INSM1: variants seen among roughly 807,000 people sequenced by gnomAD.
INSM1 encodes insulinoma-associated protein 1.
In INSM1, 11 loss-of-function variants were observed where a neutral mutation model predicts 21.1. That is an observed-to-expected ratio of 0.52 (90% CI 0.33 to 0.86). The LOEUF (loss-of-function observed/expected upper bound fraction) is 0.86, where lower values mean the gene tolerates loss of function less well. Among genes scored for constraint, INSM1 ranks in the 40% least tolerant of loss-of-function variants. The pLI is 0.03. For synonymous variants in INSM1, 473 were observed against 386.1 expected (o/e 1.23, Z -2.64); for missense variants, 843 against 760.1 (o/e 1.11, Z -1.28).
Position 20,369,507 on chromosome 20 carries a change from C to T in INSM1, c.1240C>T (p.Pro414Ser). The T allele has an allele frequency of 6.5e-7, 1 of 1,545,730 alleles. No individual in the cohort carries two copies. Among genetic ancestry groups the T allele is most frequent in the East Asian group, 2.4e-5 (1 of 42,130 alleles). The change falls in exon 1 of 1, where the codon CCC becomes TCC. Residue 414 changes from proline (P) to serine (S), a missense_variant. Transcript: ENST00000310227. This position sits in a 1 kb window ranked among gnomAD's most constrained non-coding sequence, Gnocchi z 5.6. ...AEDLLALYPG[P>S]DEKAPQEAAG... ...GGACCTACTGGCCTTGTACCCCGGG[C>T]CCGACGAGAAGGCGCCCCAGGAGGC...
rs1053675785 is a variant in INSM1 at position 20,369,585 on chromosome 20, T to C, written c.1318T>C (p.Cys440Arg). 11 of 1,599,226 alleles carry C rather than the reference T, an allele frequency of 6.9e-6. No individual in the cohort carries two copies. The highest frequency in any genetic ancestry group is 9.3e-6 in the Non-Finnish European group (11 of 1,179,168). ...GVLGLSASAE[C>R]HLCPVCGESF... ...GCTGGGCCTGAGTGCGTCCGCCGAG[T>C]GCCACCTGTGCCCAGTGTGCGGAGA... The change falls in exon 1 of 1, where the codon TGC becomes CGC. Residue 440 changes from cysteine (C) to arginine (R), a missense_variant. Coordinates refer to ENST00000310227, the MANE Select transcript of INSM1 (RefSeq NM_002196.3). The surrounding 1 kb of genome is among the most constrained non-coding windows in gnomAD (Gnocchi z 5.6).
chr20:20,368,598 G>T lies in INSM1; in HGVS notation c.331G>T (p.Glu111Ter), dbSNP rs867761082. The change falls in exon 1 of 1, where the codon GAG (glutamate) becomes TAG (stop). Residue 111 changes from glutamate (E) to a stop codon, truncating the protein, a stop_gained. Coordinates refer to ENST00000310227, the MANE Select transcript of INSM1 (RefSeq NM_002196.3). LOFTEE classifies it high-confidence loss of function. The surrounding 1 kb of genome is among the most constrained non-coding windows in gnomAD (Gnocchi z 4.3). ...CACGCGGCCCGTGAGCCGCGAGCAC[G>T]AGAAGCACAAGTACTTCGAACGCAG... Reference protein sequence around the residue: ...SPTRPVSREHEKHKYFERSFN... With the variant: ...SPTRPVSREH 1.4e-6 allele frequency: 2 copies of T among 1,468,944 alleles called. No homozygotes were observed. Among genetic ancestry groups the T allele is most frequent in the East Asian group, 6.0e-5 (2 of 33,168 alleles). The allele number at this position is 1,468,944 out of a possible 1,614,324, so 91.0% of individuals were successfully genotyped here.
In INSM1 at chr20:20,369,483, G is replaced by T. The variant is rs1275094059; in HGVS notation, c.1216G>T (p.Asp406Tyr). Reference protein sequence around the residue: ...KGAPLAPPAEDLLALYPGPDE... With the variant: ...KGAPLAPPAEYLLALYPGPDE... ...CGCGCCGCTAGCGCCCCCGGCCGAG[G>T]ACCTACTGGCCTTGTACCCCGGGCC... Residue 406 changes from aspartate to tyrosine, a missense_variant, in exon 1 of 1, where the codon GAC (aspartate) becomes TAC (tyrosine). By Grantham distance (160) the Asp-to-Tyr change is radical (BLOSUM62 -3). Transcript: ENST00000310227. This position sits in a 1 kb window ranked among gnomAD's most constrained non-coding sequence, Gnocchi z 5.6. 6.5e-7 allele frequency: 1 copy of T among 1,537,452 alleles called. No individual in the cohort carries two copies. Among genetic ancestry groups the T allele is most frequent in the Non-Finnish European group, 8.7e-7 (1 of 1,151,446 alleles).
rs765395519 is a variant in INSM1 at position 20,369,721 on chromosome 20, C to T, written c.1454C>T (p.Thr485Met). ...ACCTTCTACAGCTCGCCCGGCCTTACGCGGCACATCAACAAGTGCCACCCA... is the reference window on the plus strand; with the variant it reads ...ACCTTCTACAGCTCGCCCGGCCTTATGCGGCACATCAACAAGTGCCACCCA... ...PATFYSSPGL[T>M]RHINKCHPSE... Residue 485 changes from threonine to methionine, a missense_variant, in exon 1 of 1, where the codon ACG (threonine) becomes ATG (methionine). By Grantham distance (81) the Thr-to-Met change is moderately conservative. Coordinates refer to ENST00000310227, the MANE Select transcript of INSM1 (RefSeq NM_002196.3). The surrounding 1 kb of genome is among the most constrained non-coding windows in gnomAD (Gnocchi z 5.6). 2.7e-5 allele frequency: 44 copies of T among 1,601,658 alleles called. No homozygotes were observed. Among genetic ancestry groups the T allele is most frequent in the Non-Finnish European group, 3.7e-5 (44 of 1,179,738 alleles).
chr20:20,368,465 C>A lies in INSM1; in HGVS notation c.198C>A (p.Leu66=). 1 of 1,051,058 alleles carries A rather than the reference C, an allele frequency of 9.5e-7. No homozygotes were observed. Among genetic ancestry groups the A allele is most frequent in the South Asian group, 4.3e-5 (1 of 23,346 alleles). 65.1% of individuals were successfully genotyped at this position (1,051,058 alleles called of 1,614,324 possible). A position where few individuals can be genotyped will look rare whatever the true frequency, so the allele number is the denominator to read the frequency against. The part of the protein sequence containing the change: ...PPPAERAHAA[L]AAALACAPGP... The stretch of plus-strand genomic sequence containing the variant: ...CCGCGGAGCGCGCCCATGCAGCGCT[C>A]GCCGCCGCGCTTGCCTGCGCGCCTG... Residue 66 remains leucine, a synonymous_variant, in exon 1 of 1, where the codon CTC becomes CTA. Coordinates refer to ENST00000310227, the MANE Select transcript of INSM1 (RefSeq NM_002196.3). This position sits in a 1 kb window ranked among gnomAD's most constrained non-coding sequence, Gnocchi z 4.3.
At position 20,369,532 on chromosome 20, in the gene INSM1, CGGCCGGCGACGGCGAGGG is replaced by C. The variant is rs762979020; in HGVS notation, c.1274_1291del (p.Asp425_Gly430del). Reference sequence around the variant, plus strand: ...CCCGACGAGAAGGCGCCCCAGGAGGCGGCCGGCGACGGCGAGGGGGCCGGCGTGCTGGGCCTGAGTGCG... The same window carrying C: ...CCCGACGAGAAGGCGCCCCAGGAGGCGGCCGGCGTGCTGGGCCTGAGTGCG... On this transcript the variant is annotated inframe_deletion, in exon 1 of 1. Transcript: ENST00000310227. This position sits in a 1 kb window ranked among gnomAD's most constrained non-coding sequence, Gnocchi z 5.6. 7.1e-6 allele frequency: 11 copies of C among 1,558,482 alleles called. No individual in the cohort carries two copies. Among genetic ancestry groups the C allele is most frequent in the Admixed American group, 3.7e-5 (2 of 53,452 alleles).
Position 20,369,857 on chromosome 20 carries a change from G to A in INSM1, c.*57G>A. The A allele has an allele frequency of 2.0e-6, 3 of 1,488,840 alleles. No homozygotes were observed. Among genetic ancestry groups the A allele is most frequent in the South Asian group, 1.3e-5 (1 of 76,426 alleles). The allele number at this position is 1,488,840 out of a possible 1,614,324, so 92.2% of individuals were successfully genotyped here. On this transcript the variant is annotated 3_prime_UTR_variant, in exon 1 of 1. Coordinates refer to ENST00000310227, the MANE Select transcript of INSM1 (RefSeq NM_002196.3). The surrounding 1 kb of genome is among the most constrained non-coding windows in gnomAD (Gnocchi z 5.6). ...GCCTTCGCTTGGAGACCCACAAAGAGAGTGCGCCCTGCACTCCCCGAACCC... is the reference window on the plus strand; with the variant it reads ...GCCTTCGCTTGGAGACCCACAAAGAAAGTGCGCCCTGCACTCCCCGAACCC...
Position 20,369,082 on chromosome 20 carries a change from G to A in INSM1, c.815G>A (p.Cys272Tyr). 6.3e-7 allele frequency: 1 copy of A among 1,587,060 alleles called. No homozygotes were observed. Among genetic ancestry groups the A allele is most frequent in the Non-Finnish European group, 8.5e-7 (1 of 1,170,940 alleles). The change falls in exon 1 of 1, where the codon TGC (cysteine) becomes TAC (tyrosine). Residue 272 changes from cysteine to tyrosine, a missense_variant. Transcript: ENST00000310227. The surrounding 1 kb of genome is among the most constrained non-coding windows in gnomAD (Gnocchi z 5.6). The stretch of plus-strand genomic sequence containing the variant: ...CTGGGCGAGTTCATCTGCCAGCTGT[G>A]CAAGGAGGAGTACGCCGACCCGTTC... ...RPLGEFICQLCKEEYADPFAL... is the reference protein window; with the variant it reads ...RPLGEFICQLYKEEYADPFAL...
At position 20,369,253 on chromosome 20, in the gene INSM1, C is replaced by G. The variant is rs1030489175; in HGVS notation, c.986C>G (p.Pro329Arg). Reference protein sequence around the residue: ...PRPAPAAARAPEPEAAARAEA... With the variant: ...PRPAPAAARAREPEAAARAEA... ...CCCGCGCCCGCCGCCGCCCGCGCGC[C>G]GGAGCCAGAAGCAGCAGCCAGGGCT... Residue 329 changes from proline (P) to arginine (R), a missense_variant, in exon 1 of 1, where the codon CCG (proline) becomes CGG (arginine). By Grantham distance (103) the Pro-to-Arg change is moderately radical. Transcript: ENST00000310227. This position sits in a 1 kb window ranked among gnomAD's most constrained non-coding sequence, Gnocchi z 5.6. 1.2e-5 allele frequency: 18 copies of G among 1,440,508 alleles called. No individual in the cohort carries two copies. In the African/African-American group the frequency reaches 1.5e-4, roughly 12 times the overall value. The allele number at this position is 1,440,508 out of a possible 1,614,324, so 89.2% of individuals were successfully genotyped here.
Position 20,369,910 on chromosome 20 carries a change from C to T in INSM1, c.*110C>T, listed in dbSNP as rs2059493598. 1 of 902,746 alleles carries T rather than the reference C, an allele frequency of 1.1e-6. No homozygotes were observed. Among genetic ancestry groups the T allele is most frequent in the Non-Finnish European group, 1.6e-6 (1 of 610,140 alleles). The allele number at this position is 902,746 out of a possible 1,614,324, so 55.9% of individuals were successfully genotyped here. A position where few individuals can be genotyped will look rare whatever the true frequency, so the allele number is the denominator to read the frequency against. ...GTCCGCGCTGGGGGAGCCTCGCCCC[C>T]GCCCCCACCGGGTGAAAGTGTCGTC... On this transcript the variant is annotated 3_prime_UTR_variant, in exon 1 of 1. Transcript: ENST00000310227. The surrounding 1 kb of genome is among the most constrained non-coding windows in gnomAD (Gnocchi z 5.6).
Position 20,369,937 on chromosome 20 carries a change from C to T in INSM1, c.*137C>T. ...CCCCCACCGGGTGAAAGTGTCGTCT[C>T]CGCTTCTCTCGGTGTGGCGTGACGG... On this transcript the variant is annotated 3_prime_UTR_variant, in exon 1 of 1. Transcript: ENST00000310227. This position sits in a 1 kb window ranked among gnomAD's most constrained non-coding sequence, Gnocchi z 5.6. 2.8e-6 allele frequency: 2 copies of T among 724,718 alleles called. No individual in the cohort carries two copies. The highest frequency in any genetic ancestry group is 2.9e-5 in the East Asian group (1 of 34,944). 44.9% of individuals were successfully genotyped at this position (724,718 alleles called of 1,614,324 possible).
rs969376739 is a variant in INSM1 at position 20,370,598 on chromosome 20, T to C, written c.*798T>C. On this transcript the variant is annotated 3_prime_UTR_variant, in exon 1 of 1. Coordinates refer to ENST00000310227, the MANE Select transcript of INSM1 (RefSeq NM_002196.3). ...TTTATTCTTTATTTATTTATATTAA[T>C]TATGAAGATTATGATATTATTTGAT... is the stretch of plus-strand genomic sequence containing the variant. 5 of 167,082 alleles carry C rather than the reference T, an allele frequency of 3.0e-5. No homozygotes were observed. Among genetic ancestry groups the C allele is most frequent in the Admixed American group, 6.5e-5 (1 of 15,284 alleles). The allele number at this position is 167,082 out of a possible 1,614,324, so 10.3% of individuals were successfully genotyped here.
Position 20,368,745 on chromosome 20 carries a change from C to G in INSM1, c.478C>G (p.Leu160Val). ...AGGCGGCACCTGCGGCGGCGACCCG[C>G]TGCTCTTCGCGCCCGCCGAGCTCAA... Reference protein sequence around the residue: ...GGGGTCGGDPLLFAPAELKMG... With the variant: ...GGGGTCGGDPVLFAPAELKMG... The change falls in exon 1 of 1, where the codon CTG becomes GTG. Residue 160 changes from leucine to valine, a missense_variant. Physicochemically the swap from Leu to Val is conservative, Grantham distance 32 (BLOSUM62 1). Transcript: ENST00000310227. This position sits in a 1 kb window ranked among gnomAD's most constrained non-coding sequence, Gnocchi z 4.3. The G allele has an allele frequency of 8.6e-7, 1 of 1,167,122 alleles. No individual in the cohort carries two copies. The highest frequency in any genetic ancestry group is 4.0e-5 in the South Asian group (1 of 25,224). 72.3% of individuals were successfully genotyped at this position (1,167,122 alleles called of 1,614,324 possible).
chr20:20,368,812 G>A lies in INSM1; in HGVS notation c.545G>A (p.Gly182Asp). Residue 182 changes from glycine (G) to aspartate (D), a missense_variant, in exon 1 of 1, where the codon GGC becomes GAC. Gly to Asp is a moderately conservative substitution (Grantham distance 94, BLOSUM62 -1). Coordinates refer to ENST00000310227, the MANE Select transcript of INSM1 (RefSeq NM_002196.3). This position sits in a 1 kb window ranked among gnomAD's most constrained non-coding sequence, Gnocchi z 4.3. ...AFSAGAEAARGPGPGPPLPPA... is the reference protein window; with the variant it reads ...AFSAGAEAARDPGPGPPLPPA... ...TCGGCTGGCGCCGAGGCGGCCCGCG[G>A]CCCGGGCCCCGGCCCCCCACTGCCC... The A allele has an allele frequency of 9.1e-7, 1 of 1,101,204 alleles. No homozygotes were observed. The highest frequency in any genetic ancestry group is 1.1e-6 in the Non-Finnish European group (1 of 884,354). 68.2% of individuals were successfully genotyped at this position (1,101,204 alleles called of 1,614,324 possible).
rs1401318091 is a variant in INSM1 at position 20,368,763 on chromosome 20, G to A, written c.496G>A (p.Glu166Lys). Reference protein sequence around the residue: ...GGDPLLFAPAELKMGTAFSAG... With the variant: ...GGDPLLFAPAKLKMGTAFSAG... ...CGACCCGCTGCTCTTCGCGCCCGCC[G>A]AGCTCAAGATGGGCACGGCGTTCTC... The change falls in exon 1 of 1, where the codon GAG becomes AAG. Residue 166 changes from glutamate (E) to lysine (K), a missense_variant. Glu to Lys is a moderately conservative substitution (Grantham distance 56, BLOSUM62 1). Coordinates refer to ENST00000310227, the MANE Select transcript of INSM1 (RefSeq NM_002196.3). This position sits in a 1 kb window ranked among gnomAD's most constrained non-coding sequence, Gnocchi z 4.3. The A allele has an allele frequency of 1.7e-6, 2 of 1,150,718 alleles. No individual in the cohort carries two copies. Among genetic ancestry groups the A allele is most frequent in the African/African-American group, 1.6e-5 (1 of 60,660 alleles). 71.3% of individuals were successfully genotyped at this position (1,150,718 alleles called of 1,614,324 possible).
At position 20,370,090 on chromosome 20, in the gene INSM1, C is replaced by T. The variant is rs2122528825; in HGVS notation, c.*290C>T. 2.6e-6 allele frequency: 1 copy of T among 380,386 alleles called. No individual in the cohort carries two copies. Among genetic ancestry groups the T allele is most frequent in the South Asian group, 9.7e-5 (1 of 10,300 alleles). 23.6% of individuals were successfully genotyped at this position (380,386 alleles called of 1,614,324 possible). On this transcript the variant is annotated 3_prime_UTR_variant, in exon 1 of 1. Coordinates refer to ENST00000310227, the MANE Select transcript of INSM1 (RefSeq NM_002196.3). The stretch of plus-strand genomic sequence containing the variant: ...AGGGAGAAAAGCTGTACGCGTTTGT[C>T]TCGTGGTTGGAAGCCTCCCCTTGGC...
In INSM1 at chr20:20,368,309, G is replaced by A; in HGVS notation, c.42G>A (p.Thr14=). The A allele has an allele frequency of 7.6e-7, 1 of 1,320,168 alleles. No individual in the cohort carries two copies. The highest frequency in any genetic ancestry group is 9.8e-7 in the Non-Finnish European group (1 of 1,018,692). The allele number at this position is 1,320,168 out of a possible 1,614,324, so 81.8% of individuals were successfully genotyped here. The stretch of plus-strand genomic sequence containing the variant: ...TGGTGAAGCGCAGCAAGAAGTCCAC[G>A]CCCGTTTCCTACCGGGTCCGCGGCG... ...GFLVKRSKKS[T]PVSYRVRGGE... is the part of the protein sequence containing the mutation. The change falls in exon 1 of 1, where the codon ACG becomes ACA. Residue 14 remains threonine, a synonymous_variant. Coordinates refer to ENST00000310227, the MANE Select transcript of INSM1 (RefSeq NM_002196.3). This position sits in a 1 kb window ranked among gnomAD's most constrained non-coding sequence, Gnocchi z 4.3.
chr20:20,369,635 G>T lies in INSM1; in HGVS notation c.1368G>T (p.Gln456His), dbSNP rs138934668. 9 of 1,600,702 alleles carry T rather than the reference G, an allele frequency of 5.6e-6. No individual in the cohort carries two copies. The African/African-American group carries it at 8.0e-5, about 14-fold the overall frequency. Residue 456 changes from glutamine to histidine, a missense_variant, in exon 1 of 1, where the codon CAG (glutamine) becomes CAT (histidine). Coordinates refer to ENST00000310227, the MANE Select transcript of INSM1 (RefSeq NM_002196.3). This position sits in a 1 kb window ranked among gnomAD's most constrained non-coding sequence, Gnocchi z 5.6. ...AGTCGTTCGCCAGCAAGGGCGCTCA[G>T]GAGCGCCACCTGCGCCTGCTGCACG... is the stretch of plus-strand genomic sequence containing the variant. ...CGESFASKGA[Q>H]ERHLRLLHAA...
At position 20,368,391 on chromosome 20, in the gene INSM1, G is replaced by A. The variant is rs1416247307; in HGVS notation, c.124G>A (p.Glu42Lys). ...LSPSCGGARA[E>K]PPAPSPVPGP... is the part of the protein sequence containing the mutation. ...GCCCAGCTGCGGGGGCGCCCGCGCCGAGCCCCCGGCGCCGAGCCCGGTCCC... is the reference window on the plus strand; with the variant it reads ...GCCCAGCTGCGGGGGCGCCCGCGCCAAGCCCCCGGCGCCGAGCCCGGTCCC... The change falls in exon 1 of 1, where the codon GAG becomes AAG. Residue 42 changes from glutamate to lysine, a missense_variant. By Grantham distance (56) the Glu-to-Lys change is moderately conservative. Transcript: ENST00000310227. This position sits in a 1 kb window ranked among gnomAD's most constrained non-coding sequence, Gnocchi z 4.3. The A allele has an allele frequency of 1.3e-5, 14 of 1,041,688 alleles. No homozygotes were observed. Among genetic ancestry groups the A allele is most frequent in the South Asian group, 3.4e-5 (1 of 29,378 alleles). The allele number at this position is 1,041,688 out of a possible 1,614,324, so 64.5% of individuals were successfully genotyped here.
Sources: gnomAD v4.1 joint callset for allele counts on GRCh38, gnomAD v4.1.1 for gene constraint, Gnocchi (gnomAD v3.1) non-coding constraint, MANE v1.5 for transcripts, NCBI Gene and HGNC (gene_info 2026-07-23, HGNC 2026-07-21) for gene names.